ADCK5: variants seen among roughly 807,000 people sequenced by gnomAD.
ADCK5 encodes uncharacterized aarF domain-containing protein kinase 5.
A neutral mutation model predicts 64.9 loss-of-function variants in ADCK5; 43 were observed. That is an observed-to-expected ratio of 0.66 (90% CI 0.52 to 0.85). The LOEUF is 0.85. ADCK5 is among the 40% of genes least tolerant of loss of function. ADCK5 has a pLI of 0.00. For synonymous variants in ADCK5, 434 were observed against 342.8 expected (o/e 1.27, Z -2.94); for missense variants, 760 against 810.5 (o/e 0.94, Z 0.76).
In ADCK5 at chr8:144,383,218, G is replaced by A; in HGVS notation, c.254G>A (p.Gly85Glu). 7 of 1,581,722 alleles carry A rather than the reference G, an allele frequency of 4.4e-6. No homozygotes were observed. Among genetic ancestry groups the A allele is most frequent in the Non-Finnish European group, 6.0e-6 (7 of 1,163,032 alleles). The change falls in exon 3 of 15, where the codon GGG becomes GAG. Residue 85 changes from glycine (G) to glutamate (E), a missense_variant. Physicochemically the swap from Gly to Glu is moderately conservative, Grantham distance 98. This residue lies in a region of ADCK5 where 427 missense variants were observed against 518.4 expected (regional missense o/e 0.82). Transcript: ENST00000308860. ...ATGCGGCTCGTGGTGGATGGCATGG[G>A]GCGCTTTGGCAGGTAGGAGGGCCTG... ...RRMRLVVDGM[G>E]RFGRSLKVGL... is the part of the protein sequence containing the mutation.
At chr8:144,388,738 G>C (rs1820058455) in intron 3 of ADCK5, among the ~76,000 whole-genome samples, 3 of 152,018 alleles carry the variant, frequency 2.0e-5, no homozygotes, top group African/African-American at 2.4e-5. Context: ...ACTCCAGCCT[G>C]GGCGACAGAG....
intron 4 of ADCK5, 44 bp from the exon 5 acceptor site, chr8:144,390,812 G>A (rs1820185144): frequency 6.2e-7 from 1 of 1,606,802 alleles, no homozygotes. Flanking sequence ...GGACTGAGGA[G>A]GCAGCCACCT....
chr8:144,382,886 G>A lies in ADCK5; in HGVS notation c.117-195G>A, dbSNP rs550756514. Reference sequence around the variant, plus strand: ...CTGCCCCTTATGGCCATCTGGTGCCGGGCTTTGGTGCAGGGGCATCTGGTG... The same window carrying A: ...CTGCCCCTTATGGCCATCTGGTGCCAGGCTTTGGTGCAGGGGCATCTGGTG... On this transcript the variant is annotated intron_variant, in intron 2 of 14. Coordinates refer to ENST00000308860, the MANE Select transcript of ADCK5 (RefSeq NM_174922.5). Among the ~76,000 whole-genome samples, 7 of 152,360 alleles carry A rather than the reference G, an allele frequency of 4.6e-5. No homozygotes were observed. In the East Asian group the frequency reaches 7.7e-4, roughly 17 times the overall value.
chr8:144,381,477 T>C (rs201610303), intron 2 of ADCK5, among the ~76,000 whole-genome samples: 2,381 of 74,070 alleles, frequency 0.032, 47 homozygotes, highest in Non-Finnish European at 0.044. Context: ...GATTATGGGC[T>C]GGGTGTAGAA....
intron 1 of ADCK5, 26 bp from the exon 2 acceptor site, chr8:144,379,360 AC>A: frequency 6.4e-7 from 1 of 1,566,764 alleles, no homozygotes. Flanking sequence ...GCCTCGTTCG[AC>A]CCCACACAAT....
chr8:144,392,106 G>A lies in ADCK5; in HGVS notation c.1111G>A (p.Gly371Ser). ...PHPGNVLVRK[G>S]PDGKAELVLL... Reference sequence around the variant, plus strand: ...TGTATCCCTAGTTCTGGTGCGGAAAGGCCCGGACGGGAAAGCGGAGCTGGT... The same window carrying A: ...TGTATCCCTAGTTCTGGTGCGGAAAAGCCCGGACGGGAAAGCGGAGCTGGT... Residue 371 changes from glycine (G) to serine (S), a missense_variant, in exon 11 of 15, where the codon GGC (glycine) becomes AGC (serine). This residue lies in a region of ADCK5 where 427 missense variants were observed against 518.4 expected (regional missense o/e 0.82). Transcript: ENST00000308860. 1.9e-6 allele frequency: 3 copies of A among 1,612,070 alleles called. No homozygotes were observed. The highest frequency in any genetic ancestry group is 2.5e-6 in the Non-Finnish European group (3 of 1,179,856).
At position 144,390,774 on chromosome 8, in the gene ADCK5, T is replaced by C. The variant is rs1554860230; in HGVS notation, c.342+28T>C. On this transcript the variant is annotated intron_variant, in intron 4 of 14. Transcript: ENST00000308860. ...TTGTCCTGGTGCCCTGGGCACACAGTGGTGGGCATGAGGTGGTGGGCTGGG... is the reference window on the plus strand; with the variant it reads ...TTGTCCTGGTGCCCTGGGCACACAGCGGTGGGCATGAGGTGGTGGGCTGGG... 1.9e-6 allele frequency: 3 copies of C among 1,611,206 alleles called. 1 individual carries two copies. Among genetic ancestry groups the C allele is most frequent in the South Asian group, 2.2e-5 (2 of 90,800 alleles).
At chr8:144,385,233 G>A (rs1256408138) in intron 3 of ADCK5, among the ~76,000 whole-genome samples, 1 of 149,776 alleles carries the variant, frequency 6.7e-6, no homozygotes, top group East Asian at 2.0e-4. Context: ...CACCCAGGGT[G>A]GAGTGCAGTG....
At chr8:144,377,072 G>C (rs1554857271) in intron 1 of ADCK5, among the ~76,000 whole-genome samples, 3 of 152,354 alleles carry the variant, frequency 2.0e-5, no homozygotes, top group Admixed American at 6.5e-5. Context: ...CCAGTGTTGA[G>C]GACCATGTTA....
intron 2 of ADCK5, among the ~76,000 whole-genome samples, chr8:144,380,003 G>A (rs769269995): frequency 1.3e-5 from 2 of 152,240 alleles, no homozygotes; most frequent in Non-Finnish European, 2.9e-5. Context: ...CTGTCCAAGC[G>A]CCACTGGCTC....
chr8:144,382,046 C>G (rs1470297815), intron 2 of ADCK5, among the ~76,000 whole-genome samples: 5 of 79,328 alleles, frequency 6.3e-5, no homozygotes, highest in African/African-American at 3.5e-4. Flanking sequence ...GTGCTCAGGC[C>G]CCTGCTGCAC....
rs146115265 is a variant in ADCK5, at chr8:144,385,008, G to A, written c.266+1778G>A. On this transcript the variant is annotated intron_variant, in intron 3 of 14. Transcript: ENST00000308860. ...ACAGCAGCACCCATGCAGGGGCCCA[G>A]GAAGGAGCGCGGGTGAGGAGCATGG... is the stretch of plus-strand genomic sequence containing the variant. Among the ~76,000 whole-genome samples the A allele has an allele frequency of 9.8e-3, 1,492 of 152,238 alleles. 27 individuals are homozygous for A. The highest frequency in any genetic ancestry group is 0.034 in the African/African-American group (1,432 of 41,540).
At chr8:144,374,564 C>T (rs1819286983) in intron 1 of ADCK5, among the ~76,000 whole-genome samples, 1 of 152,070 alleles carries the variant, frequency 6.6e-6, no homozygotes, top group African/African-American at 2.4e-5. Context: ...CCCGGCGCCC[C>T]GGAGAGCGCG....
chr8:144,389,852 G>A (rs868930159), intron 3 of ADCK5, among the ~76,000 whole-genome samples: 2 of 146,816 alleles, frequency 1.4e-5, no homozygotes, highest in East Asian at 2.0e-4. Context: ...TTTTGAAACC[G>A]AGTTTCGCTC....
Position 144,391,778 on chromosome 8 carries a change from C to G in ADCK5, c.931-5C>G. The G allele has an allele frequency of 6.5e-7, 1 of 1,546,638 alleles. No individual in the cohort carries two copies. Among genetic ancestry groups the G allele is most frequent in the Non-Finnish European group, 8.7e-7 (1 of 1,151,884 alleles). On this transcript the variant is annotated splice_polypyrimidine_tract_variant and splice_region_variant and intron_variant, in intron 8 of 14. Coordinates refer to ENST00000308860, the MANE Select transcript of ADCK5 (RefSeq NM_174922.5). ...CTGCTGAGCCCAGCCTCTTGCTCTC[C>G]CCAGCGCGTGCTCACTGCCGACTTC...
At chr8:144,388,735 C>A (rs1454616866) in intron 3 of ADCK5, among the ~76,000 whole-genome samples, 1 of 151,762 alleles carries the variant, frequency 6.6e-6, no homozygotes, top group Non-Finnish European at 1.5e-5. Flanking sequence ...CACACTCCAG[C>A]CTGGGCGACA....
At position 144,392,956 on chromosome 8, in the gene ADCK5, C is replaced by G; in HGVS notation, c.1638-13C>G. On this transcript the variant is annotated splice_polypyrimidine_tract_variant and intron_variant, in intron 14 of 14. Coordinates refer to ENST00000308860, the MANE Select transcript of ADCK5 (RefSeq NM_174922.5). ...TCCCCACCCACCTGTGACCTGTGAC[C>G]TGACCCACGCAGGCTGGAGACCTTG... 6.3e-7 allele frequency: 1 copy of G among 1,586,530 alleles called. No homozygotes were observed. The highest frequency in any genetic ancestry group is 1.3e-5 in the African/African-American group (1 of 74,778).
At chr8:144,381,741 A>G in intron 2 of ADCK5, among the ~76,000 whole-genome samples, 1 of 146,552 alleles carries the variant, frequency 6.8e-6, no homozygotes, top group East Asian at 2.1e-4. Flanking sequence ...ACTCAGGATT[A>G]TGGGCCGGGT....
intron 3 of ADCK5, among the ~76,000 whole-genome samples, chr8:144,388,098 A>G (rs922893503): frequency 1.4e-4 from 22 of 152,000 alleles, no homozygotes; most frequent in African/African-American, 5.1e-4. Context: ...GCAATGTGAA[A>G]TGCAATGTGA....
Sources: allele counts gnomAD v4.1 joint callset (sites outside exome capture counted in the v4.1 genomes callset), GRCh38; gene constraint gnomAD v4.1.1; regional missense constraint gnomAD v4.1.1; transcripts MANE v1.5; gene names NCBI Gene and HGNC (gene_info 2026-07-23, HGNC 2026-07-21).